Variants in PPM1L observed in about 807,000 individuals in gnomAD.
PPM1L encodes the protein protein phosphatase 1L.
Under a neutral mutation model 31.4 loss-of-function variants are expected in PPM1L, and 13 were observed. The observed-to-expected ratio is 0.41, with a 90% confidence interval of 0.27 to 0.66. PPM1L has a LOEUF of 0.66. Among genes scored for constraint, PPM1L ranks in the 30% least tolerant of loss-of-function variants. PPM1L has a pLI of 0.29. For synonymous variants in PPM1L, 184 were observed against 175.4 expected (o/e 1.05, Z -0.39); for missense variants, 326 against 453.7 (o/e 0.72, Z 2.56).
intron 1 of PPM1L, among the ~76,000 whole-genome samples, chr3:160,857,988 T>C (rs1159647149): frequency 1.3e-5 from 2 of 152,240 alleles, no homozygotes; most frequent in African/African-American, 4.8e-5. Context: ...CCCTCTCCAG[T>C]ATTCCAGCTT....
chr3:160,823,937 A>G (rs1165342485), intron 1 of PPM1L, among the ~76,000 whole-genome samples: 1 of 152,186 alleles, frequency 6.6e-6, no homozygotes, highest in Non-Finnish European at 1.5e-5. Context: ...ATCATTGTGG[A>G]CATAATATCA....
At chr3:160,757,345 C>A (rs1178407333) in intron 1 of PPM1L, among the ~76,000 whole-genome samples, 1 of 152,260 alleles carries the variant, frequency 6.6e-6, no homozygotes, top group Non-Finnish European at 1.5e-5. Flanking sequence ...CAGAGCGGGA[C>A]CTAGATGTCC....
intron 1 of PPM1L, among the ~76,000 whole-genome samples, chr3:160,896,082 G>A (rs188202651): frequency 6.6e-6 from 1 of 152,300 alleles, no homozygotes; most frequent in East Asian, 1.9e-4. Context: ...TTTGAAGGAG[G>A]AGAAGGCCTT....
intron 1 of PPM1L, among the ~76,000 whole-genome samples, chr3:160,765,082 A>C (rs1715071386): frequency 6.6e-6 from 1 of 152,226 alleles, no homozygotes. Context: ...GGCAGTATTT[A>C]TAAAGTACTT....
intron 1 of PPM1L, among the ~76,000 whole-genome samples, chr3:160,791,640 G>A (rs1712107502): frequency 6.6e-6 from 1 of 151,970 alleles, no homozygotes; most frequent in Non-Finnish European, 1.5e-5. Flanking sequence ...GCTTTCCAGT[G>A]GATAGGAAGA....
At chr3:160,907,048 A>G (rs115971131) in intron 1 of PPM1L, among the ~76,000 whole-genome samples, 3,593 of 152,322 alleles carry the variant, frequency 0.024, 78 homozygotes, top group Middle Eastern at 0.034. Flanking sequence ...CAAGGAAGCA[A>G]TTACATAAAT....
chr3:160,888,946 T>C (rs1713031558), intron 1 of PPM1L, among the ~76,000 whole-genome samples: 1 of 151,732 alleles, frequency 6.6e-6, no homozygotes, highest in Non-Finnish European at 1.5e-5. Flanking sequence ...AAAGAAGAAA[T>C]AAAGGATGGA....
At chr3:160,842,071 T>G in intron 1 of PPM1L, 2 of 510,332 alleles carry the variant, frequency 3.9e-6, no homozygotes, top group South Asian at 6.2e-5. Flanking sequence ...TAGGAGAGTT[T>G]ATGATGAGCC....
chr3:161,051,891 C>T (rs907188313), intron 2 of PPM1L, among the ~76,000 whole-genome samples: 1 of 152,170 alleles, frequency 6.6e-6, no homozygotes, highest in Admixed American at 6.5e-5. Context: ...CCCATAATTT[C>T]CTGATTTTCT....
intron 2 of PPM1L, among the ~76,000 whole-genome samples, chr3:160,996,936 T>C (rs1156885203): frequency 3.9e-5 from 6 of 151,942 alleles, no homozygotes; most frequent in Admixed American, 3.9e-4. Context: ...GGCAAGGCAA[T>C]AGCAGGAAGA....
In PPM1L at chr3:160,825,342, T is replaced by G. The variant is rs1450770609; in HGVS notation, c.399+68635T>G. On this transcript the variant is annotated intron_variant, in intron 1 of 3. Coordinates refer to ENST00000498165, the MANE Select transcript of PPM1L (RefSeq NM_139245.4). ...TTGATCATGATGATTGATAAAAATT[T>G]TAGATCAAACCATATGAAATTGCCA... 2.6e-5 allele frequency among the ~76,000 whole-genome samples: 4 copies of G among 152,270 alleles called. No homozygotes were observed. In the East Asian group the frequency reaches 7.7e-4, roughly 29 times the overall value.
intron 1 of PPM1L, chr3:160,842,063 G>T (rs529289861): frequency 2.1e-6 from 1 of 482,688 alleles, no homozygotes; most frequent in Non-Finnish European, 3.7e-6. Context: ...AAGATAAATA[G>T]GAGAGTTTAT....
intron 1 of PPM1L, among the ~76,000 whole-genome samples, chr3:160,758,446 T>C (rs1309931126): frequency 6.6e-6 from 1 of 152,138 alleles, no homozygotes; most frequent in Non-Finnish European, 1.5e-5. Flanking sequence ...TGGTGGCTGG[T>C]GATAATCTGC....
intron 1 of PPM1L, among the ~76,000 whole-genome samples, chr3:160,913,679 G>A (rs992086768): frequency 1.3e-5 from 2 of 151,950 alleles, no homozygotes; most frequent in African/African-American, 4.8e-5. Context: ...TGGCTTTTTG[G>A]GGGATTCAGC....
intron 1 of PPM1L, among the ~76,000 whole-genome samples, chr3:160,861,064 G>C (rs894666129): frequency 6.6e-6 from 1 of 152,138 alleles, no homozygotes; most frequent in Non-Finnish European, 1.5e-5. Flanking sequence ...AGTAGAAAGA[G>C]GTTTTTCATA....
chr3:161,005,337 A>T (rs972937267), intron 2 of PPM1L, among the ~76,000 whole-genome samples: 2 of 152,180 alleles, frequency 1.3e-5, no homozygotes, highest in African/African-American at 4.8e-5. Context: ...CTATGAAAAA[A>T]CAAAGTGAGT....
At chr3:160,856,368 C>T (rs1711704814) in intron 1 of PPM1L, among the ~76,000 whole-genome samples, 2 of 152,170 alleles carry the variant, frequency 1.3e-5, no homozygotes, top group Admixed American at 6.5e-5. Context: ...ATGTTAATCA[C>T]AGCACTATTC....
chr3:160,838,603 T>C (rs1331415998), intron 1 of PPM1L, among the ~76,000 whole-genome samples: 1 of 152,206 alleles, frequency 6.6e-6, no homozygotes, highest in Non-Finnish European at 1.5e-5. Flanking sequence ...GTAGACTATG[T>C]CTGAGTTGAA....
At chr3:160,946,850 G>T (rs1020310301) in intron 1 of PPM1L, among the ~76,000 whole-genome samples, 7 of 152,168 alleles carry the variant, frequency 4.6e-5, no homozygotes, top group African/African-American at 1.4e-4. Flanking sequence ...TGAATGATTT[G>T]AAGTTAGTTG....
Sources: allele counts gnomAD v4.1 joint callset (sites outside exome capture counted in the v4.1 genomes callset), GRCh38; gene constraint gnomAD v4.1.1; transcripts MANE v1.5; gene names NCBI Gene and HGNC (gene_info 2026-07-23, HGNC 2026-07-21).